Variants in NINL observed in about 807,000 individuals in gnomAD.
NINL encodes the protein ninein like.
NINL carries 153 observed loss-of-function variants against 160.3 expected under a neutral mutation model. The observed-to-expected ratio is 0.95, with a 90% CI of 0.84 to 1.09. The LOEUF (loss-of-function observed/expected upper bound fraction) is 1.09. Ranked by LOEUF, NINL falls within the 50% of genes least tolerant of loss-of-function variation. The probability of loss-of-function intolerance (pLI) is 0.00; values close to 1 mark genes in which losing one functional copy is unlikely to be tolerated. For missense variants in NINL, 1,829 were observed against 1,764.0 expected (o/e 1.04, Z -0.66); for synonymous variants, 800 against 734.8 (o/e 1.09, Z -1.43).
intron 10 of NINL, 150 bp from the exon 11 acceptor site, chr20:25,491,675 G>A: frequency 1.1e-6 from 1 of 900,540 alleles, no homozygotes. Flanking sequence ...GCCCATGCTG[G>A]GAGGCAAATC....
chr20:25,458,601 A>C lies in NINL; in HGVS notation c.3697-72T>G, dbSNP rs1471723084. 5 of 1,430,394 alleles carry C rather than the reference A, an allele frequency of 3.5e-6. No individual in the cohort carries two copies. The South Asian group carries it at 7.1e-5, about 20-fold the overall frequency. 88.6% of individuals were successfully genotyped at this position (1,430,394 alleles called of 1,614,324 possible). ...GCACAGAGGAGCACCCTCTCCATCC[A>C]AGGACACCCCCACCTGCAAGGGCAA... On this transcript the variant is annotated intron_variant, in intron 21 of 23. Transcript: ENST00000278886.
chr20:25,575,818 C>T (rs776939671), intron 1 of NINL, among the ~76,000 whole-genome samples: 5 of 152,126 alleles, frequency 3.3e-5, no homozygotes, highest in African/African-American at 4.8e-5. Flanking sequence ...CTCCCTCACT[C>T]GGCTGGCTTC....
intron 17 of NINL, among the ~76,000 whole-genome samples, chr20:25,472,324 G>GATATATATATATAT (rs56260321): frequency 1.4e-3 from 117 of 83,922 alleles, no homozygotes; most frequent in Non-Finnish European, 1.8e-3. Flanking sequence ...GGGAGGAGAG[G>GATATATATATATAT]ATATATATAT....
chr20:25,529,918 A>G (rs1473817100), intron 1 of NINL, among the ~76,000 whole-genome samples: 1 of 152,256 alleles, frequency 6.6e-6, no homozygotes, highest in Non-Finnish European at 1.5e-5. Context: ...GAATGGGGAC[A>G]GAGGGCAGAG....
chr20:25,530,690 C>A (rs1055481827), intron 1 of NINL, among the ~76,000 whole-genome samples: 9 of 151,946 alleles, frequency 5.9e-5, no homozygotes, highest in Non-Finnish European at 1.2e-4. Flanking sequence ...CGTGATGCCC[C>A]CCAAGCTGCA....
At chr20:25,549,520 C>A (rs1470096919) in intron 1 of NINL, among the ~76,000 whole-genome samples, 1 of 152,244 alleles carries the variant, frequency 6.6e-6, no homozygotes, top group Non-Finnish European at 1.5e-5. Context: ...TCTTAATGGA[C>A]CCTCCATCAA....
chr20:25,528,111 C>A (rs2064390138), intron 1 of NINL, among the ~76,000 whole-genome samples: 1 of 152,160 alleles, frequency 6.6e-6, no homozygotes, highest in South Asian at 2.1e-4. Flanking sequence ...CTCACTGTAA[C>A]CTTGAACTCT....
intron 18 of NINL, among the ~76,000 whole-genome samples, chr20:25,468,198 G>C (rs538188463): frequency 7.5e-6 from 1 of 133,352 alleles, no homozygotes; most frequent in Non-Finnish European, 1.7e-5. Context: ...GCACTGAGGG[G>C]ACACTCCTGC....
intron 12 of NINL, 48 bp downstream of exon 12, chr20:25,489,827 C>G (rs2063584456): frequency 6.4e-7 from 1 of 1,558,644 alleles, no homozygotes; most frequent in Non-Finnish European, 8.8e-7. Context: ...CCCACTCTGC[C>G]CAGCAGGCCC....
At chr20:25,467,201 C>T (rs1292936780) in intron 19 of NINL, among the ~76,000 whole-genome samples, 188 bp downstream of exon 19, 1 of 152,240 alleles carries the variant, frequency 6.6e-6, no homozygotes, top group Non-Finnish European at 1.5e-5. Context: ...GCAGATTTGA[C>T]TGGGGCAGGG....
intron 1 of NINL, among the ~76,000 whole-genome samples, chr20:25,566,877 G>A (rs558341770): frequency 6.6e-6 from 1 of 152,274 alleles, no homozygotes; most frequent in African/African-American, 2.4e-5. Flanking sequence ...ATGCTGGCTG[G>A]GTGCAGTGGC....
At chr20:25,522,781 T>C (rs933704292) in intron 2 of NINL, among the ~76,000 whole-genome samples, 1 of 152,228 alleles carries the variant, frequency 6.6e-6, no homozygotes, top group Non-Finnish European at 1.5e-5. Flanking sequence ...TCTGTTTTCT[T>C]GTGTCCTTCT....
rs113237945 is a variant in NINL, at chr20:25,462,642, A to ATTTGTTTTGTTTTGT, written c.3424-116_3424-102dup. ...TTGGCTATATTTTTATTAAGTAGTC[A>ATTTGTTTTGTTTTGT]TTTGTTTTGTTTTGTTTTGTTTTGT... is the stretch of plus-strand genomic sequence containing the variant. On this transcript the variant is annotated intron_variant, in intron 19 of 23. Transcript: ENST00000278886. The ATTTGTTTTGTTTTGT allele has an allele frequency of 8.1e-3, 6,773 of 838,044 alleles. 177 individuals carry two copies. Among genetic ancestry groups the ATTTGTTTTGTTTTGT allele is most frequent in the African/African-American group, 0.063 (3,587 of 57,022 alleles). 51.9% of individuals were successfully genotyped at this position (838,044 alleles called of 1,614,324 possible).
At chr20:25,467,090 C>T (rs1304137977) in intron 19 of NINL, among the ~76,000 whole-genome samples, 1 of 152,204 alleles carries the variant, frequency 6.6e-6, no homozygotes, top group Non-Finnish European at 1.5e-5. Flanking sequence ...TGAGAAGCTG[C>T]TCACAGTTTC....
At position 25,476,836 on chromosome 20, in the gene NINL, C is replaced by T. The variant is rs372862049; in HGVS notation, c.2455G>A (p.Gly819Arg). ...TGCATCTCTGCTTCCAGGGAGGGCC[C>T]GTCCACTCGCTTCCCGCGGGCAAGC... ...LELARGKRVD[G>R]PSLEAEMQAL... Residue 819 changes from glycine (G) to arginine (R), a missense_variant, in exon 17 of 24, where the codon GGG (glycine) becomes AGG (arginine). Gly to Arg is a moderately radical substitution (Grantham distance 125). Transcript: ENST00000278886. The T allele has an allele frequency of 9.9e-6, 16 of 1,613,250 alleles. No individual in the cohort carries two copies. The highest frequency in any genetic ancestry group is 8.9e-5 in the East Asian group (4 of 44,876).
At chr20:25,485,746 T>G (rs971775699) in intron 13 of NINL, among the ~76,000 whole-genome samples, 1 of 152,228 alleles carries the variant, frequency 6.6e-6, no homozygotes, top group Non-Finnish European at 1.5e-5. Context: ...TATTATGAAC[T>G]AGGCTTTAGA....
At chr20:25,567,723 A>G (rs2065011454) in intron 1 of NINL, among the ~76,000 whole-genome samples, 1 of 152,190 alleles carries the variant, frequency 6.6e-6, no homozygotes, top group South Asian at 2.1e-4. Flanking sequence ...TAGAAATAAT[A>G]CAAAATATGC....
rs964222089 is a variant in NINL, at chr20:25,469,842, G to A, written c.3353+149C>T. ...CCTCCCACATCTGCCGAGTCGTTCAGAAGTTAACAAGGCTCATGGTTTAGG... is the reference window on the plus strand; with the variant it reads ...CCTCCCACATCTGCCGAGTCGTTCAAAAGTTAACAAGGCTCATGGTTTAGG... On this transcript the variant is annotated intron_variant, in intron 18 of 23. Transcript: ENST00000278886. The A allele has an allele frequency of 1.1e-4, 71 of 626,294 alleles. No homozygotes were observed. The African/African-American group carries it at 1.3e-3, about 11-fold the overall frequency. 38.8% of individuals were successfully genotyped at this position (626,294 alleles called of 1,614,324 possible).
At chr20:25,469,350 C>T (rs1322078858) in intron 18 of NINL, among the ~76,000 whole-genome samples, 1 of 142,296 alleles carries the variant, frequency 7.0e-6, no homozygotes, top group Admixed American at 7.0e-5. Context: ...TGTCCCCCGA[C>T]TTTCACTGGT....
Sources: gnomAD v4.1 joint callset for allele counts (sites outside exome capture counted in the v4.1 genomes callset) on GRCh38, gnomAD v4.1.1 for gene constraint, MANE v1.5 for transcripts, NCBI Gene and HGNC (gene_info 2026-07-23, HGNC 2026-07-21) for gene names.